PYGL: variants seen among roughly 807,000 people sequenced by gnomAD.
PYGL encodes glycogen phosphorylase L, also known as glycogen phosphorylase, liver form.
PYGL carries 90 observed loss-of-function variants against 100.1 expected under a neutral mutation model. The ratio of observed to expected loss-of-function variants is 0.90; its 90% CI spans 0.76 to 1.07. The LOEUF is 1.07. Among genes scored for constraint, PYGL ranks in the 50% least tolerant of loss-of-function variants. The probability of loss-of-function intolerance (pLI) is 0.00; values close to 1 mark genes in which losing one functional copy is unlikely to be tolerated. For missense variants in PYGL, 1,016 were observed against 1,057.6 expected (o/e 0.96, Z 0.55); for synonymous variants, 373 against 393.0 (o/e 0.95, Z 0.60).
chr14:50,935,332 A>G, intron 2 of PYGL, 147 bp from the exon 3 acceptor site: 4 of 721,914 alleles, frequency 5.5e-6, no homozygotes, highest in South Asian at 1.5e-5. Context: ...TTGTTCTGGC[A>G]TCAGGTACTG....
At chr14:50,923,800 A>T in intron 5 of PYGL, 169 bp downstream of exon 5, 1 of 826,178 alleles carries the variant, frequency 1.2e-6, no homozygotes, top group Non-Finnish European at 1.8e-6. Context: ...CTCCAAAATG[A>T]CTGGGCTGCG....
intron 4 of PYGL, among the ~76,000 whole-genome samples, chr14:50,926,609 C>T (rs551461634): frequency 6.7e-5 from 10 of 150,300 alleles, no homozygotes; most frequent in African/African-American, 2.4e-4. Flanking sequence ...ACCTGTAATC[C>T]CAGCTACTCA....
chr14:50,931,091 C>T (rs554152045), intron 4 of PYGL, among the ~76,000 whole-genome samples: 5 of 152,196 alleles, frequency 3.3e-5, no homozygotes, highest in African/African-American at 1.2e-4. Context: ...CTGATTTCAT[C>T]TTATAAAAAA....
At chr14:50,905,603 G>A (rs998751564) in intron 19 of PYGL, 47 bp from the exon 20 acceptor site, 8 of 1,585,914 alleles carry the variant, frequency 5.0e-6, no homozygotes, top group Non-Finnish European at 6.9e-6. Context: ...AGTGCGCAGT[G>A]AGCTTTATAA....
chr14:50,937,677 T>G, intron 2 of PYGL, 59 bp downstream of exon 2: 2 of 1,497,744 alleles, frequency 1.3e-6, no homozygotes, highest in Non-Finnish European at 1.9e-6. Flanking sequence ...TCCCCAAGTT[T>G]CCTGAAGTGC....
chr14:50,915,037 T>G (rs1596035972), intron 11 of PYGL, among the ~76,000 whole-genome samples: 1 of 152,348 alleles, frequency 6.6e-6, no homozygotes, highest in East Asian at 1.9e-4. Flanking sequence ...GTCACTTCCA[T>G]CTGACTTCTT....
At chr14:50,915,708 A>T in intron 10 of PYGL, 117 bp downstream of exon 10, 2 of 1,467,676 alleles carry the variant, frequency 1.4e-6, no homozygotes, top group Non-Finnish European at 1.9e-6. Context: ...TTCGGACTTG[A>T]GTACTTTTGC....
chr14:50,920,579 C>T lies in PYGL; in HGVS notation c.817G>A (p.Ala273Thr), dbSNP rs1433006594. The change falls in exon 7 of 20, where the codon GCC becomes ACC. Residue 273 changes from alanine (A) to threonine (T), a missense_variant. Physicochemically the swap from Ala to Thr is moderately conservative, Grantham distance 58. Coordinates refer to ENST00000216392, the MANE Select transcript of PYGL (RefSeq NM_002863.5). ...YIQAVLDRNL[A>T]ENISRVLYPN... ...TAGAGGACCCGGGAGATGTTCTCGG[C>T]CAGGTTTCGGTCCAGCACAGCCTGA... The T allele has an allele frequency of 6.2e-7, 1 of 1,613,532 alleles. No individual in the cohort carries two copies. The highest frequency in any genetic ancestry group is 1.7e-5 in the Admixed American group (1 of 60,022).
rs1283064512 is a variant in PYGL, at chr14:50,909,493, A to G, written c.2177+402T>C. On this transcript the variant is annotated intron_variant, in intron 17 of 19. Coordinates refer to ENST00000216392, the MANE Select transcript of PYGL (RefSeq NM_002863.5). ...TTTCCAATTACTTCTGTACACCCGT[A>G]TCTATTCTCTATCACATTTTAGTGC... 2.0e-5 allele frequency among the ~76,000 whole-genome samples: 3 copies of G among 152,222 alleles called. No individual in the cohort carries two copies. The East Asian group carries it at 5.8e-4, about 29-fold the overall frequency.
At chr14:50,942,004 G>T (rs1392872478) in intron 1 of PYGL, among the ~76,000 whole-genome samples, 1 of 152,190 alleles carries the variant, frequency 6.6e-6, no homozygotes, top group Non-Finnish European at 1.5e-5. Flanking sequence ...AGAAATGTAC[G>T]CATAGAGTTA....
intron 3 of PYGL, among the ~76,000 whole-genome samples, chr14:50,933,839 A>G (rs1002371687): frequency 5.9e-5 from 9 of 152,200 alleles, no homozygotes; most frequent in African/African-American, 1.9e-4. Flanking sequence ...ACACACACAG[A>G]CACATACATA....
intron 5 of PYGL, among the ~76,000 whole-genome samples, chr14:50,922,114 C>T (rs10138493): frequency 0.2 from 29,881 of 152,056 alleles, 3,721 homozygotes; most frequent in East Asian, 0.52. Flanking sequence ...TTTTTATTCC[C>T]GGCCTCATCA....
intron 5 of PYGL, chr14:50,923,657 C>A: frequency 4.4e-6 from 1 of 229,336 alleles, no homozygotes; most frequent in Non-Finnish European, 8.1e-6. Flanking sequence ...GGTAAGCATG[C>A]TGGTTACTAT....
chr14:50,938,225 T>G (rs532939498), intron 1 of PYGL, among the ~76,000 whole-genome samples: 2 of 152,346 alleles, frequency 1.3e-5, no homozygotes, highest in African/African-American at 4.8e-5. Context: ...TCTTTTTTTA[T>G]TTTAAAGACA....
At chr14:50,914,059 A>C (rs1014367090) in intron 12 of PYGL, among the ~76,000 whole-genome samples, 3 of 152,188 alleles carry the variant, frequency 2.0e-5, no homozygotes, top group African/African-American at 7.2e-5. Context: ...AGTGACCAGG[A>C]ACCCAGGTTC....
At chr14:50,908,693 C>A in intron 18 of PYGL, 128 bp downstream of exon 18, 1 of 1,337,832 alleles carries the variant, frequency 7.5e-7, no homozygotes. Context: ...TGCTAATCTA[C>A]ATGAGTGGGT....
chr14:50,916,889 G>C lies in PYGL; in HGVS notation c.999+73C>G, dbSNP rs1408521103. ...TCAACGTTGTTAGCACTGAGAGAGA[G>C]GAATTAATCTGATAGGAAATCCCAG... On this transcript the variant is annotated intron_variant, in intron 8 of 19. Coordinates refer to ENST00000216392, the MANE Select transcript of PYGL (RefSeq NM_002863.5). 1.9e-6 allele frequency: 3 copies of C among 1,576,638 alleles called. No homozygotes were observed. In the African/African-American group the frequency reaches 4.1e-5, roughly 21 times the overall value.
rs567855783 is a variant in PYGL at position 50,934,424 on chromosome 14, C to A, written c.424+683G>T. The stretch of plus-strand genomic sequence containing the variant: ...AGGATGTGAATTGAGAAGCTTTGAA[C>A]AAATAATAGTGAAGTAAAGACACTA... On this transcript the variant is annotated intron_variant, in intron 3 of 19. Coordinates refer to ENST00000216392, the MANE Select transcript of PYGL (RefSeq NM_002863.5). Among the ~76,000 whole-genome samples, 149 of 152,144 alleles carry A rather than the reference C, an allele frequency of 9.8e-4. 1 individual carries two copies. Among genetic ancestry groups the A allele is most frequent in the African/African-American group, 3.4e-3 (143 of 41,504 alleles).
At chr14:50,924,245 T>C in intron 4 of PYGL, 145 bp from the exon 5 acceptor site, 1 of 881,116 alleles carries the variant, frequency 1.1e-6, no homozygotes, top group Non-Finnish European at 1.7e-6. Context: ...TTTTACAGCC[T>C]ACATCAACAA....
Sources: gnomAD v4.1 joint callset for allele counts (sites outside exome capture counted in the v4.1 genomes callset) on GRCh38, gnomAD v4.1.1 for gene constraint, MANE v1.5 for transcripts, NCBI Gene and HGNC (gene_info 2026-07-23, HGNC 2026-07-21) for gene names.